PHACTR1: variants seen among roughly 807,000 people sequenced by gnomAD.
PHACTR1 encodes the protein phosphatase and actin regulator 1, also known as RPEL repeat containing 1.
A neutral mutation model predicts 69.2 loss-of-function variants in PHACTR1; 16 were observed. That is an observed-to-expected ratio of 0.23 (90% CI 0.16 to 0.35). The LOEUF (loss-of-function observed/expected upper bound fraction) is 0.35. PHACTR1 is among the 10% of genes least tolerant of loss of function. The probability of loss-of-function intolerance (pLI) is 1.00; values close to 1 mark genes in which losing one functional copy is unlikely to be tolerated. For missense variants in PHACTR1, 510 were observed against 734.7 expected, an observed-to-expected ratio of 0.69 and a Z score of 3.54; for synonymous variants, 312 against 284.5, an observed-to-expected ratio of 1.10 and a Z score of -0.97.
At chr6:12,911,764 A>G (rs957236665) in intron 4 of PHACTR1, among the ~76,000 whole-genome samples, 3 of 152,216 alleles carry the variant, frequency 2.0e-5, no homozygotes, top group Non-Finnish European at 4.4e-5. Flanking sequence ...GGATACATTT[A>G]TAAGTGCCTT....
chr6:12,985,324 A>G (rs902458113), intron 4 of PHACTR1, among the ~76,000 whole-genome samples: 3 of 152,050 alleles, frequency 2.0e-5, no homozygotes, highest in Non-Finnish European at 4.4e-5. Flanking sequence ...TAGAGACTAG[A>G]TTTTGCATGG....
intron 11 of PHACTR1, among the ~76,000 whole-genome samples, chr6:13,277,405 C>T (rs1374798719): frequency 1.3e-5 from 2 of 152,214 alleles, no homozygotes; most frequent in Admixed American, 6.5e-5. Flanking sequence ...TTCAAACAAT[C>T]GATGGAATCA....
At chr6:13,072,962 T>C (rs983701270) in intron 5 of PHACTR1, among the ~76,000 whole-genome samples, 1 of 152,120 alleles carries the variant, frequency 6.6e-6, no homozygotes, top group Admixed American at 6.6e-5. Context: ...CATTAGACAG[T>C]CTGTCCAGAG....
At chr6:13,122,908 C>A (rs543122658) in intron 5 of PHACTR1, among the ~76,000 whole-genome samples, 1 of 152,178 alleles carries the variant, frequency 6.6e-6, no homozygotes, top group South Asian at 2.1e-4. Context: ...TACAAATATT[C>A]ATTCGAGGCA....
intron 5 of PHACTR1, among the ~76,000 whole-genome samples, chr6:13,131,686 G>A (rs1820491814): frequency 6.6e-6 from 1 of 152,134 alleles, no homozygotes; most frequent in Non-Finnish European, 1.5e-5. Context: ...ATTTTTGAGA[G>A]ATTTTATCTT....
intron 4 of PHACTR1, among the ~76,000 whole-genome samples, chr6:12,934,440 C>T (rs1407839763): frequency 6.6e-6 from 1 of 152,208 alleles, no homozygotes; most frequent in African/African-American, 2.4e-5. Context: ...GTAAAATTTA[C>T]TCCATGGCTC....
At chr6:13,092,685 G>A (rs1264487327) in intron 5 of PHACTR1, among the ~76,000 whole-genome samples, 3 of 152,168 alleles carry the variant, frequency 2.0e-5, no homozygotes, top group Admixed American at 1.3e-4. Context: ...CCCATCTGGC[G>A]GTGATGGGAG....
At chr6:13,107,283 A>G (rs1021524697) in intron 5 of PHACTR1, among the ~76,000 whole-genome samples, 1 of 151,998 alleles carries the variant, frequency 6.6e-6, no homozygotes, top group Non-Finnish European at 1.5e-5. Flanking sequence ...GCTAATTTTT[A>G]AAGTTTTTGG....
At chr6:12,771,779 C>G (rs1769419335) in intron 4 of PHACTR1, among the ~76,000 whole-genome samples, 1 of 152,132 alleles carries the variant, frequency 6.6e-6, no homozygotes, top group South Asian at 2.1e-4. Context: ...TGGGATCAGA[C>G]TCCCATGGAA....
At chr6:13,279,983 G>C (rs1031887170) in intron 12 of PHACTR1, 7 of 152,064 alleles carry the variant, frequency 4.6e-5, no homozygotes, top group Non-Finnish European at 7.4e-5. Flanking sequence ...TTTCAGAATT[G>C]GTTGCTGGAT....
chr6:13,255,682 A>G (rs1775087435), intron 10 of PHACTR1, among the ~76,000 whole-genome samples: 1 of 152,256 alleles, frequency 6.6e-6, no homozygotes, highest in Non-Finnish European at 1.5e-5. Context: ...CTAGCAGGGC[A>G]GTCATTAAAT....
intron 7 of PHACTR1, among the ~76,000 whole-genome samples, chr6:13,194,085 G>A (rs1764001014): frequency 6.6e-6 from 1 of 152,082 alleles, no homozygotes; most frequent in African/African-American, 2.4e-5. Context: ...TGATTAGAAG[G>A]ACATCTACCA....
At chr6:13,037,511 A>G (rs1178583263) in intron 4 of PHACTR1, among the ~76,000 whole-genome samples, 1 of 152,250 alleles carries the variant, frequency 6.6e-6, no homozygotes, top group South Asian at 2.1e-4. Context: ...ACTAGCATGC[A>G]TCAGTGACTG....
intron 4 of PHACTR1, among the ~76,000 whole-genome samples, chr6:12,976,997 G>A (rs1265695580): frequency 1.3e-5 from 2 of 152,124 alleles, no homozygotes; most frequent in Non-Finnish European, 2.9e-5. Flanking sequence ...ACAGAGTCTC[G>A]CTCTGTTGCT....
chr6:12,789,699 C>G (rs553600430), intron 4 of PHACTR1, among the ~76,000 whole-genome samples: 113 of 151,988 alleles, frequency 7.4e-4, no homozygotes, highest in Admixed American at 3.3e-3. Context: ...TTTCTGCGTA[C>G]TTGGACTACA....
At chr6:12,947,341 C>CTTTTTTTTT (rs35334406) in intron 4 of PHACTR1, among the ~76,000 whole-genome samples, 1 of 142,398 alleles carries the variant, frequency 7.0e-6, no homozygotes. Flanking sequence ...AACTATTCTG[C>CTTTTTTTTT]TTTTTTTTTT....
intron 4 of PHACTR1, among the ~76,000 whole-genome samples, chr6:13,034,080 G>C (rs1203469297): frequency 6.6e-6 from 1 of 151,446 alleles, no homozygotes; most frequent in African/African-American, 2.4e-5. Context: ...GCAGTGGCGC[G>C]ATCTCGGCTC....
At position 13,268,197 on chromosome 6, in the gene PHACTR1, G is replaced by A. The variant is rs368112613; in HGVS notation, c.1392-4663G>A. On this transcript the variant is annotated intron_variant, in intron 10 of 14. Transcript: ENST00000332995. ...CAGGAGAATCGCTTGAACCTGGGAG[G>A]TGGAGGTTGCAGTGAGCTGAGATTG... Among the ~76,000 whole-genome samples, 13 of 152,306 alleles carry A rather than the reference G, an allele frequency of 8.5e-5. No homozygotes were observed. In the East Asian group the frequency reaches 2.3e-3, roughly 27 times the overall value.
At chr6:13,133,494 G>A (rs992072383) in intron 5 of PHACTR1, among the ~76,000 whole-genome samples, 6 of 151,888 alleles carry the variant, frequency 4.0e-5, no homozygotes, top group African/African-American at 7.3e-5. Context: ...ACGGGGTTTC[G>A]CCGTGTTGGC....
Sources: gnomAD v4.1 joint callset for allele counts (sites outside exome capture counted in the v4.1 genomes callset) on GRCh38, gnomAD v4.1.1 for gene constraint, MANE v1.5 for transcripts, NCBI Gene and HGNC (gene_info 2026-07-23, HGNC 2026-07-21) for gene names.